The following PDE1A variants were observed in gnomAD, a reference collection of about 807,000 sequenced individuals.
PDE1A encodes dual specificity calcium/calmodulin-dependent 3',5'-cyclic nucleotide phosphodiesterase 1A.
In PDE1A, 35 loss-of-function variants were observed where a neutral mutation model predicts 61.7. The ratio of observed to expected loss-of-function variants is 0.57; its 90% CI spans 0.43 to 0.75. PDE1A has a LOEUF of 0.75. Ranked by LOEUF, PDE1A falls within the 30% of genes least tolerant of loss-of-function variation. The probability of loss-of-function intolerance (pLI) is 0.00; values close to 1 mark genes in which losing one functional copy is unlikely to be tolerated. For missense variants in PDE1A, 597 were observed against 630.6 expected, an observed-to-expected ratio of 0.95 and a Z score of 0.57; for synonymous variants, 232 against 213.2, an observed-to-expected ratio of 1.09 and a Z score of -0.77.
chr2:182,458,140 T>C (rs564204457), intron 2 of PDE1A, among the ~76,000 whole-genome samples: 1 of 152,168 alleles, frequency 6.6e-6, no homozygotes, highest in Non-Finnish European at 1.5e-5. Context: ...ACTTGTCTTG[T>C]CTTGAGATAA....
chr2:182,614,141 C>G, the PDE1A span, among the ~76,000 whole-genome samples: 6 of 152,212 alleles, frequency 3.9e-5, no homozygotes. Context: ...TTTCCAATGG[C>G]TACCAAGTTG....
intron 13 of PDE1A, among the ~76,000 whole-genome samples, chr2:182,178,133 G>A (rs1349375906): frequency 6.6e-6 from 1 of 152,142 alleles, no homozygotes; most frequent in African/African-American, 2.4e-5. Flanking sequence ...TTTAGACAAG[G>A]AGACACAGGG....
chr2:182,201,663 A>C (rs1553535448), intron 9 of PDE1A, 25 bp downstream of exon 9: 1 of 1,517,992 alleles, frequency 6.6e-7, no homozygotes, highest in Non-Finnish European at 8.9e-7. Context: ...AAAAAAAAAA[A>C]CAACAAAAAA....
chr2:182,675,535 G>A, the PDE1A span, among the ~76,000 whole-genome samples: 1 of 152,086 alleles, frequency 6.6e-6, no homozygotes, highest in South Asian at 2.1e-4. Flanking sequence ...TTGCCATGCT[G>A]CTTTCAATAA....
intron 1 of PDE1A, among the ~76,000 whole-genome samples, chr2:182,361,316 G>C (rs989674379): frequency 1.3e-5 from 2 of 152,006 alleles, no homozygotes; most frequent in Admixed American, 6.6e-5. Context: ...ATACTGTGAG[G>C]ATTAATAGGC....
intron 1 of PDE1A, among the ~76,000 whole-genome samples, chr2:182,284,113 G>A (rs1170765378): frequency 6.6e-6 from 1 of 152,056 alleles, no homozygotes; most frequent in African/African-American, 2.4e-5. Flanking sequence ...GAGAACAAGA[G>A]GCAGTAAGGA....
At chr2:182,211,948 G>C (rs1171960943) in intron 7 of PDE1A, among the ~76,000 whole-genome samples, 1 of 151,966 alleles carries the variant, frequency 6.6e-6, no homozygotes, top group African/African-American at 2.4e-5. Flanking sequence ...TGCAAACAAA[G>C]ATAATTTTAT....
intron 2 of PDE1A, among the ~76,000 whole-genome samples, chr2:182,476,363 T>A (rs1372359435): frequency 6.6e-6 from 1 of 151,856 alleles, no homozygotes; most frequent in Non-Finnish European, 1.5e-5. Flanking sequence ...TGGTGGTACA[T>A]GCCTGTAATC....
chr2:182,666,758 C>A, the PDE1A span, among the ~76,000 whole-genome samples: 4 of 152,210 alleles, frequency 2.6e-5, no homozygotes, highest in Non-Finnish European at 5.9e-5. Flanking sequence ...TAACTTCTAC[C>A]TCTATCTAAG....
At chr2:182,653,810 C>T in the PDE1A span, among the ~76,000 whole-genome samples, 1 of 152,110 alleles carries the variant, frequency 6.6e-6, no homozygotes, top group Non-Finnish European at 1.5e-5. Flanking sequence ...TTAACCTCTG[C>T]CATCATTGCT....
the PDE1A span, among the ~76,000 whole-genome samples, chr2:182,635,391 C>T: frequency 6.6e-6 from 1 of 151,844 alleles, no homozygotes; most frequent in South Asian, 2.1e-4. Context: ...CCAATTTATG[C>T]TAATAGTAGT....
At position 182,514,217 on chromosome 2, in the gene PDE1A, G is replaced by A. The variant is rs148428467; in HGVS notation, c.101+8059C>T. Among the ~76,000 whole-genome samples the A allele has an allele frequency of 2.3e-3, 352 of 152,268 alleles. 3 individuals carry two copies. Among genetic ancestry groups the A allele is most frequent in the African/African-American group, 7.9e-3 (330 of 41,566 alleles). On this transcript the variant is annotated intron_variant, in intron 2 of 14. Coordinates refer to the PDE1A transcript ENST00000410103. ...ATGGAAAAACATTCCATGCTCATGG[G>A]TAGGAAGAATCAACATTGCTAAAAT...
chr2:182,236,503 C>T (rs971161529), intron 3 of PDE1A, among the ~76,000 whole-genome samples: 5 of 152,044 alleles, frequency 3.3e-5, no homozygotes, highest in Admixed American at 2.0e-4. Flanking sequence ...TGTTAATTAA[C>T]GTTAGCTCGA....
intron 13 of PDE1A, among the ~76,000 whole-genome samples, chr2:182,180,805 A>G (rs1323798366): frequency 6.7e-6 from 1 of 149,092 alleles, no homozygotes; most frequent in East Asian, 2.0e-4. Context: ...TTTTTCTCTA[A>G]TCTTGTCTGC....
the PDE1A span, among the ~76,000 whole-genome samples, chr2:182,633,317 A>G: frequency 6.6e-6 from 1 of 152,206 alleles, no homozygotes; most frequent in Non-Finnish European, 1.5e-5. Context: ...AAAATTAAAA[A>G]GGTCCACCCT....
At chr2:182,223,888 G>T in exon 7 of PDE1A, 2 of 1,587,944 alleles carry the variant, frequency 1.3e-6, no homozygotes, top group Non-Finnish European at 1.7e-6. Context: ...AAAGTTGTTT[G>T]TTGTCCCTGT....
intron 3 of PDE1A, among the ~76,000 whole-genome samples, chr2:182,235,863 A>C (rs1032239017): frequency 1.3e-5 from 2 of 152,226 alleles, no homozygotes; most frequent in African/African-American, 4.8e-5. Context: ...AGAAGATACT[A>C]AATTTTTTGA....
chr2:182,554,114 T>C, the PDE1A span, among the ~76,000 whole-genome samples: 1 of 152,132 alleles, frequency 6.6e-6, no homozygotes, highest in African/African-American at 2.4e-5. Flanking sequence ...GAAAGGACTA[T>C]AATACTTAGA....
At chr2:182,620,638 A>G in the PDE1A span, among the ~76,000 whole-genome samples, 2 of 152,242 alleles carry the variant, frequency 1.3e-5, no homozygotes. Context: ...AAGAACAAGA[A>G]TAATAAGATT....
Sources: allele counts gnomAD v4.1 joint callset (sites outside exome capture counted in the v4.1 genomes callset), GRCh38; gene constraint gnomAD v4.1.1; transcripts MANE v1.5; gene names NCBI Gene and HGNC (gene_info 2026-07-23, HGNC 2026-07-21).